The following MACROD2 variants were observed in gnomAD, a reference collection of about 807,000 sequenced individuals.
MACROD2 encodes the protein mono-ADP ribosylhydrolase 2.
MACROD2 carries 36 observed loss-of-function variants against 70.4 expected under a neutral mutation model. The ratio of observed to expected loss-of-function variants is 0.51; its 90% CI spans 0.39 to 0.68. The LOEUF (loss-of-function observed/expected upper bound fraction) is 0.68, where lower values mean the gene tolerates loss of function less well. MACROD2 is among the 30% of genes least tolerant of loss of function. The probability of loss-of-function intolerance (pLI) is 0.00; values close to 1 mark genes in which losing one functional copy is unlikely to be tolerated. For synonymous variants in MACROD2, 172 were observed against 178.8 expected (o/e 0.96, Z 0.30); for missense variants, 496 against 538.4 (o/e 0.92, Z 0.78).
At chr20:15,105,704 G>A (rs1292908048) in intron 5 of MACROD2, among the ~76,000 whole-genome samples, 1 of 152,062 alleles carries the variant, frequency 6.6e-6, no homozygotes, top group Non-Finnish European at 1.5e-5. Context: ...TGAACTCCCG[G>A]CACTAGAGGC....
chr20:14,750,386 A>T (rs2071854589), intron 5 of MACROD2, among the ~76,000 whole-genome samples: 1 of 152,124 alleles, frequency 6.6e-6, no homozygotes, highest in South Asian at 2.1e-4. Context: ...ATTTATTAGA[A>T]TAATAGTGTA....
At chr20:15,727,990 G>A (rs2050889313) in intron 8 of MACROD2, among the ~76,000 whole-genome samples, 1 of 151,584 alleles carries the variant, frequency 6.6e-6, no homozygotes, top group Non-Finnish European at 1.5e-5. Context: ...TTCCTCCAGG[G>A]GAATGCTTCC....
chr20:14,183,397 A>G (rs1250757960), intron 3 of MACROD2, among the ~76,000 whole-genome samples: 1 of 152,102 alleles, frequency 6.6e-6, no homozygotes, highest in African/African-American at 2.4e-5. Context: ...TCCATGGCAT[A>G]TATATACTAC....
chr20:14,860,686 G>A (rs2073306024), intron 5 of MACROD2, among the ~76,000 whole-genome samples: 1 of 152,058 alleles, frequency 6.6e-6, no homozygotes, highest in Admixed American at 6.6e-5. Context: ...TCACATAAAA[G>A]AGGGCAGCAA....
intron 5 of MACROD2, among the ~76,000 whole-genome samples, chr20:14,941,751 G>A (rs893541448): frequency 6.6e-6 from 1 of 151,750 alleles, no homozygotes; most frequent in Non-Finnish European, 1.5e-5. Flanking sequence ...TTTTTAGTTA[G>A]CATCAAGATT....
At chr20:14,071,255 T>TTTG (rs1555915762) in intron 2 of MACROD2, among the ~76,000 whole-genome samples, 2,545 of 88,514 alleles carry the variant, frequency 0.029, 180 homozygotes, top group South Asian at 0.041. Flanking sequence ...ATCTTGTGTT[T>TTTG]TTTTTTTTTT....
At chr20:14,933,011 ATTT>A (rs1458733142) in intron 5 of MACROD2, among the ~76,000 whole-genome samples, 4 of 152,106 alleles carry the variant, frequency 2.6e-5, no homozygotes, top group Non-Finnish European at 5.9e-5. Flanking sequence ...TATTGTTGAG[ATTT>A]TTAAATAAGT....
rs71335969 is a variant in MACROD2, at chr20:14,486,513, C to CTTTTTTTTTTTTTTTTTTTTTTTTT, written c.272-6961_272-6960insTTTTTTTTTTTTTTTTTTTTTTTTT. 4.1e-5 allele frequency among the ~76,000 whole-genome samples: 4 copies of CTTTTTTTTTTTTTTTTTTTTTTTTT among 97,064 alleles called. 2 individuals are homozygous for CTTTTTTTTTTTTTTTTTTTTTTTTT. Among genetic ancestry groups the CTTTTTTTTTTTTTTTTTTTTTTTTT allele is most frequent in the Non-Finnish European group, 7.6e-5 (4 of 52,610 alleles). 63.7% of individuals were successfully genotyped at this position (97,064 alleles called of 152,430 possible). The stretch of plus-strand genomic sequence containing the variant: ...GAGCTATCTGGCATAAAATAGCCAA[C>CTTTTTTTTTTTTTTTTTTTTTTTTT]TTTTTATTTTATTTTTTTTTTTTGA... On this transcript the variant is annotated intron_variant, in intron 3 of 17. Transcript: ENST00000684519.
chr20:15,865,592 A>G (rs1425685041), intron 9 of MACROD2, among the ~76,000 whole-genome samples: 4 of 152,162 alleles, frequency 2.6e-5, no homozygotes, highest in Non-Finnish European at 5.9e-5. Flanking sequence ...GAGAATGGCC[A>G]TCAGCCAGGA....
At chr20:15,463,995 C>T (rs2046852594) in intron 7 of MACROD2, among the ~76,000 whole-genome samples, 1 of 152,098 alleles carries the variant, frequency 6.6e-6, no homozygotes, top group Admixed American at 6.5e-5. Flanking sequence ...TCTTTGCACC[C>T]ATCAGTTGAT....
chr20:14,508,393 C>G (rs922698096), intron 4 of MACROD2, among the ~76,000 whole-genome samples: 3 of 152,002 alleles, frequency 2.0e-5, no homozygotes, highest in African/African-American at 4.8e-5. Flanking sequence ...TATTTGACCA[C>G]TAAGCTAACA....
intron 3 of MACROD2, among the ~76,000 whole-genome samples, chr20:14,390,495 A>AT (rs2083514905): frequency 6.6e-6 from 1 of 152,252 alleles, no homozygotes; most frequent in South Asian, 2.1e-4. Context: ...TTCAAACTAC[A>AT]TTACAGGGCT....
At chr20:14,070,234 A>G (rs1480433820) in intron 2 of MACROD2, among the ~76,000 whole-genome samples, 7 of 152,184 alleles carry the variant, frequency 4.6e-5, no homozygotes. Flanking sequence ...AGCCTACGAG[A>G]GAGAATCTTC....
intron 5 of MACROD2, among the ~76,000 whole-genome samples, chr20:14,819,383 G>GA (rs142838363): frequency 0.051 from 5,312 of 103,156 alleles, 204 homozygotes; most frequent in African/African-American, 0.11. Context: ...GTATTGATAA[G>GA]AAAAAAAAAA....
At chr20:15,277,917 G>A (rs1200427389) in intron 6 of MACROD2, among the ~76,000 whole-genome samples, 1 of 152,130 alleles carries the variant, frequency 6.6e-6, no homozygotes, top group African/African-American at 2.4e-5. Flanking sequence ...AATTCATTAA[G>A]ATCCCTCTGT....
At chr20:15,696,274 TG>T (rs1419170351) in intron 8 of MACROD2, among the ~76,000 whole-genome samples, 1 of 152,242 alleles carries the variant, frequency 6.6e-6, no homozygotes, top group East Asian at 1.9e-4. Flanking sequence ...TTTTGTGGAA[TG>T]CTTGTTCTGC....
intron 4 of MACROD2, among the ~76,000 whole-genome samples, chr20:14,521,271 G>T (rs1414375544): frequency 6.6e-6 from 1 of 152,090 alleles, no homozygotes; most frequent in Non-Finnish European, 1.5e-5. Context: ...CTGCCCTCTT[G>T]GGGGCCTCTT....
Position 15,663,232 on chromosome 20 carries a change from A to AT in MACROD2, c.645+163406dup, listed in dbSNP as rs34234600. ...GTTTCTCAAGAGAAGTCAGAATTTG[A>AT]TTTTTTTTTTTTTTTTTTTTTGAGA... On this transcript the variant is annotated intron_variant, in intron 8 of 17. Coordinates refer to ENST00000684519, the MANE Select transcript of MACROD2 (RefSeq NM_001351661.2). Among the ~76,000 whole-genome samples the AT allele has an allele frequency of 4.7e-3, 607 of 129,816 alleles. 1 individual carries two copies. The highest frequency in any genetic ancestry group is 8.1e-3 in the Middle Eastern group (2 of 248). The allele number at this position is 129,816 out of a possible 152,430, so 85.2% of individuals were successfully genotyped here.
chr20:14,403,670 A>T (rs2083661867), intron 3 of MACROD2, among the ~76,000 whole-genome samples: 1 of 152,218 alleles, frequency 6.6e-6, no homozygotes, highest in East Asian at 1.9e-4. Context: ...TTTTTCACAG[A>T]GTATTCTCTG....
Sources: gnomAD v4.1 joint callset for allele counts (sites outside exome capture counted in the v4.1 genomes callset) on GRCh38, gnomAD v4.1.1 for gene constraint, MANE v1.5 for transcripts, NCBI Gene and HGNC (gene_info 2026-07-23, HGNC 2026-07-21) for gene names.